NUP98: variants seen among roughly 807,000 people sequenced by gnomAD.
The protein encoded by NUP98 is nuclear pore complex protein Nup98-Nup96.
A neutral mutation model predicts 191.9 loss-of-function variants in NUP98; 26 were observed. The ratio of observed to expected loss-of-function variants is 0.14; its 90% CI spans 0.10 to 0.19. NUP98 has a LOEUF of 0.19. NUP98 is among the 10% of genes least tolerant of loss of function. The probability of loss-of-function intolerance (pLI) is 1.00; values close to 1 mark genes in which losing one functional copy is unlikely to be tolerated. For synonymous variants in NUP98, 808 were observed against 778.4 expected, an observed-to-expected ratio of 1.04 and a Z score of -0.63; for missense variants, 1,941 against 2,178.8, an observed-to-expected ratio of 0.89 and a Z score of 2.17.
chr11:3,778,266 C>G (rs937309913), intron 4 of NUP98, among the ~76,000 whole-genome samples: 4 of 150,764 alleles, frequency 2.7e-5, no homozygotes, highest in Non-Finnish European at 4.4e-5. Flanking sequence ...CTTCCATACT[C>G]TTGTGCCAGG....
intron 23 of NUP98, 68 bp downstream of exon 23, chr11:3,702,395 T>C: frequency 8.4e-7 from 1 of 1,186,694 alleles, no homozygotes; most frequent in Admixed American, 1.9e-5. Context: ...CAGGGCCCTA[T>C]CCTCCTGATT....
chr11:3,785,076 T>C (rs1380995447), intron 1 of NUP98, among the ~76,000 whole-genome samples: 1 of 151,596 alleles, frequency 6.6e-6, no homozygotes, highest in African/African-American at 2.4e-5. Context: ...AGGTGGAGCC[T>C]GCAGTGAGCT....
intron 1 of NUP98, among the ~76,000 whole-genome samples, chr11:3,789,648 T>G (rs1218345729): frequency 6.6e-6 from 1 of 152,064 alleles, no homozygotes; most frequent in African/African-American, 2.4e-5. Context: ...CCCAAAAAGC[T>G]GAGACCACAG....
In NUP98 at chr11:3,796,290, C is replaced by T. The variant is rs571263497; in HGVS notation, c.-29+1110G>A. 2.0e-5 allele frequency among the ~76,000 whole-genome samples: 3 copies of T among 152,304 alleles called. No homozygotes were observed. In the South Asian group the frequency reaches 6.2e-4, roughly 32 times the overall value. ...TACAACTACTACAAACGGACTCCTA[C>T]CTGGCTTTCTAAGTCTTATCAATAT... On this transcript the variant is annotated intron_variant, in intron 1 of 32. Coordinates refer to ENST00000324932, the MANE Select transcript of NUP98 (RefSeq NM_016320.5).
intron 1 of NUP98, 109 bp from the exon 2 acceptor site, chr11:3,782,254 T>C (rs571526797): frequency 1.8e-6 from 1 of 559,022 alleles, no homozygotes; most frequent in Non-Finnish European, 3.2e-6. Flanking sequence ...CTATAGTATA[T>C]ACTCTCATTC....
At chr11:3,686,331 C>T in intron 28 of NUP98, 137 bp from the exon 29 acceptor site, 2 of 709,026 alleles carry the variant, frequency 2.8e-6, no homozygotes, top group Non-Finnish European at 4.7e-6. Context: ...CCCTCTGAGC[C>T]TATGTTTTAT....
At chr11:3,783,019 C>T (rs983494035) in intron 1 of NUP98, among the ~76,000 whole-genome samples, 5 of 152,154 alleles carry the variant, frequency 3.3e-5, no homozygotes, top group Non-Finnish European at 7.4e-5. Flanking sequence ...TTTGAGATTA[C>T]GTTTTAAGAC....
At chr11:3,758,610 C>G (rs1162394721) in intron 10 of NUP98, among the ~76,000 whole-genome samples, 1 of 152,086 alleles carries the variant, frequency 6.6e-6, no homozygotes, top group Admixed American at 6.6e-5. Flanking sequence ...CACGGTGAAA[C>G]CCCATCTCTA....
At chr11:3,699,421 C>A in intron 24 of NUP98, 73 bp from the exon 25 acceptor site, 1 of 1,517,224 alleles carries the variant, frequency 6.6e-7, no homozygotes, top group East Asian at 2.3e-5. Flanking sequence ...ATCCTTCTAA[C>A]TGTGATGTTA....
rs530717846 is a variant in NUP98 at position 3,761,946 on chromosome 11, A to AAAC, written c.1086+953_1086+955dup. Reference sequence around the variant, plus strand: ...ACAACAGAACGAGACTCGGTTTCAAAAACAACAACAACAACAACAACAACA... The same window carrying AAAC: ...ACAACAGAACGAGACTCGGTTTCAAAAACAACAACAACAACAACAACAACAACA... On this transcript the variant is annotated intron_variant, in intron 9 of 32. Transcript: ENST00000324932. Among the ~76,000 whole-genome samples the AAAC allele has an allele frequency of 8.2e-3, 1,252 of 151,798 alleles. 8 individuals carry two copies. The highest frequency in any genetic ancestry group is 0.014 in the South Asian group (69 of 4,804).
intron 7 of NUP98, among the ~76,000 whole-genome samples, chr11:3,770,156 C>G (rs924137609): frequency 4.0e-5 from 6 of 151,814 alleles, no homozygotes; most frequent in African/African-American, 1.5e-4. Flanking sequence ...ACCAGCCTGG[C>G]CAACATGGTG....
At chr11:3,770,486 CAAGAA>C (rs147201630) in intron 7 of NUP98, among the ~76,000 whole-genome samples, 28,824 of 150,194 alleles carry the variant, frequency 0.19, 2,867 homozygotes, top group East Asian at 0.25. Flanking sequence ...AACCCTGTCT[CAAGAA>C]AAGAAAAGAA....
chr11:3,699,588 T>G (rs1226519547), intron 24 of NUP98, among the ~76,000 whole-genome samples: 2 of 152,222 alleles, frequency 1.3e-5, no homozygotes, highest in African/African-American at 2.4e-5. Context: ...ACATAACAAA[T>G]GTAACCGTTA....
chr11:3,711,852 T>C lies in NUP98; in HGVS notation c.2742+712A>G, dbSNP rs564124386. The C allele has an allele frequency of 4.0e-5, 41 of 1,033,272 alleles. No homozygotes were observed. In the South Asian group the frequency reaches 1.7e-3, roughly 42 times the overall value. The allele number at this position is 1,033,272 out of a possible 1,614,324, so 64.0% of individuals were successfully genotyped here. On this transcript the variant is annotated intron_variant, in intron 20 of 32. Transcript: ENST00000324932. ...TCCAGAAATGCCTCCTAAGAGATTA[T>C]TTAATAAATCATAAAAACCACACAT...
rs145179806 is a variant in NUP98, at chr11:3,780,806, G to A, written c.76+1236C>T. 3.6e-3 allele frequency among the ~76,000 whole-genome samples: 546 copies of A among 151,634 alleles called. 4 individuals carry two copies. The highest frequency in any genetic ancestry group is 0.013 in the African/African-American group (518 of 41,296). On this transcript the variant is annotated intron_variant, in intron 2 of 32. Coordinates refer to ENST00000324932, the MANE Select transcript of NUP98 (RefSeq NM_016320.5). ...TTAAACATGAGCCAGGAGGCCAGGC[G>A]CAGTGGCTCACACCTGTAATCCCAG...
intron 14 of NUP98, 89 bp from the exon 15 acceptor site, chr11:3,725,308 G>A (rs1010848537): frequency 1.5e-6 from 1 of 658,454 alleles, no homozygotes; most frequent in Non-Finnish European, 2.7e-6. Context: ...GGAGTCCAAT[G>A]GTGCACTTCT....
At chr11:3,777,699 T>C (rs772439926) in intron 4 of NUP98, among the ~76,000 whole-genome samples, 2 of 151,838 alleles carry the variant, frequency 1.3e-5, no homozygotes, top group Non-Finnish European at 2.9e-5. Flanking sequence ...TATGCCAATA[T>C]TTAGAATTAG....
At chr11:3,693,999 G>A (rs1362045701) in intron 26 of NUP98, among the ~76,000 whole-genome samples, 2 of 152,060 alleles carry the variant, frequency 1.3e-5, no homozygotes, top group African/African-American at 4.8e-5. Context: ...GGGAGGCCGA[G>A]GTGGTCGGAT....
At chr11:3,761,634 C>G (rs2081172102) in intron 9 of NUP98, among the ~76,000 whole-genome samples, 1 of 152,188 alleles carries the variant, frequency 6.6e-6, no homozygotes, top group African/African-American at 2.4e-5. Context: ...TGGCGGGCGC[C>G]TGTAATCCCA....
Sources: allele counts gnomAD v4.1 joint callset (sites outside exome capture counted in the v4.1 genomes callset), GRCh38; gene constraint gnomAD v4.1.1; transcripts MANE v1.5; gene names NCBI Gene and HGNC (gene_info 2026-07-23, HGNC 2026-07-21).